The following MEI1 variants were observed in gnomAD, a reference collection of about 807,000 sequenced individuals.
MEI1 encodes the protein meiosis inhibitor protein 1.
In MEI1, 103 loss-of-function variants were observed where a neutral mutation model predicts 146.2. The observed-to-expected ratio is 0.70, with a 90% CI of 0.60 to 0.83. The LOEUF is 0.83. Ranked by LOEUF, MEI1 falls within the 40% of genes least tolerant of loss-of-function variation. The probability of loss-of-function intolerance (pLI) is 0.00; values close to 1 mark genes in which losing one functional copy is unlikely to be tolerated. For missense variants in MEI1, 1,529 were observed against 1,533.0 expected, an observed-to-expected ratio of 1.00 and a Z score of 0.04; for synonymous variants, 652 against 628.2, an observed-to-expected ratio of 1.04 and a Z score of -0.57.
At chr22:41,730,102 A>T (rs920121083) in intron 8 of MEI1, among the ~76,000 whole-genome samples, 2 of 152,184 alleles carry the variant, frequency 1.3e-5, no homozygotes, top group Non-Finnish European at 2.9e-5. Context: ...CTTCATCTTC[A>T]CTATTTTATA....
intron 24 of MEI1, 81 bp from the exon 25 acceptor site, chr22:41,784,258 T>TGCAGAGGATATGTGGGAGG: frequency 8.0e-7 from 1 of 1,249,036 alleles, no homozygotes; most frequent in Non-Finnish European, 1.2e-6. Context: ...GGGGAGGTGA[T>TGCAGAGGATATGTGGGAGG]AGAAGAGATT....
At chr22:41,720,743 C>A (rs1205302064) in intron 6 of MEI1, among the ~76,000 whole-genome samples, 1 of 151,660 alleles carries the variant, frequency 6.6e-6, no homozygotes, top group African/African-American at 2.4e-5. Context: ...ATTACAGGCG[C>A]CTGCCACCAT....
intron 26 of MEI1, among the ~76,000 whole-genome samples, chr22:41,785,509 G>A (rs6002484): frequency 3.3e-5 from 5 of 151,690 alleles, no homozygotes; most frequent in Admixed American, 6.6e-5. Context: ...TGATCCTCCC[G>A]CCTCGGCCTC....
intron 4 of MEI1, among the ~76,000 whole-genome samples, chr22:41,715,269 G>T (rs1036082315): frequency 1.3e-5 from 2 of 152,158 alleles, no homozygotes; most frequent in Admixed American, 6.5e-5. Context: ...GCCAAAAGTG[G>T]TATGACTAGC....
chr22:41,745,084 A>G lies in MEI1; in HGVS notation c.1538+20A>G. 3 of 1,484,944 alleles carry G rather than the reference A, an allele frequency of 2.0e-6. No individual in the cohort carries two copies. The highest frequency in any genetic ancestry group is 2.6e-5 in the South Asian group (2 of 76,348). 92.0% of individuals were successfully genotyped at this position (1,484,944 alleles called of 1,614,324 possible). A position where few individuals can be genotyped will look rare whatever the true frequency, so the allele number is the denominator to read the frequency against. ...CTGCAGGTGAGGGGCCCTCTGAGGT[A>G]TGAAGTAATAGCATGGAAGGTAGGG... On this transcript the variant is annotated intron_variant, in intron 13 of 30. Transcript: ENST00000401548.
At chr22:41,753,114 G>T (rs1423566373) in intron 16 of MEI1, among the ~76,000 whole-genome samples, 1 of 152,038 alleles carries the variant, frequency 6.6e-6, no homozygotes, top group Non-Finnish European at 1.5e-5. Context: ...CGCCTCCTGG[G>T]TTCAAGCAAT....
chr22:41,784,837 G>T, intron 26 of MEI1, 54 bp downstream of exon 26: 2 of 1,454,720 alleles, frequency 1.4e-6, no homozygotes, highest in African/African-American at 1.4e-5. Context: ...GCAGGAAGGG[G>T]TGGCTGCCTG....
chr22:41,754,838 A>G (rs1198817426), intron 17 of MEI1, among the ~76,000 whole-genome samples: 1 of 152,228 alleles, frequency 6.6e-6, no homozygotes, highest in African/African-American at 2.4e-5. Context: ...GGCAGGCAAT[A>G]AGCAAATGCA....
intron 14 of MEI1, among the ~76,000 whole-genome samples, chr22:41,747,736 C>CCAAAA (rs1569240908): frequency 7.5e-5 from 10 of 133,212 alleles, no homozygotes; most frequent in Non-Finnish European, 1.1e-4. Flanking sequence ...CCCACCCCCC[C>CCAAAA]AAAAAAAACA....
intron 1 of MEI1, among the ~76,000 whole-genome samples, chr22:41,701,808 G>A (rs751672255): frequency 9.2e-5 from 14 of 152,182 alleles, no homozygotes; most frequent in Non-Finnish European, 2.1e-4. Context: ...TTAAGAAGAT[G>A]GGTGAGATTT....
chr22:41,723,224 T>G (rs1728166657), intron 6 of MEI1, among the ~76,000 whole-genome samples: 1 of 152,200 alleles, frequency 6.6e-6, no homozygotes, highest in Non-Finnish European at 1.5e-5. Flanking sequence ...CTTGGTTTTT[T>G]TTTTTTGAGA....
chr22:41,750,298 G>A (rs1478274826), intron 15 of MEI1, among the ~76,000 whole-genome samples: 1 of 152,218 alleles, frequency 6.6e-6, no homozygotes, highest in African/African-American at 2.4e-5. Flanking sequence ...AGAAGGGTAC[G>A]ATATTAAGGA....
chr22:41,740,948 G>A (rs1027820049), intron 11 of MEI1, among the ~76,000 whole-genome samples: 2 of 152,060 alleles, frequency 1.3e-5, no homozygotes, highest in Non-Finnish European at 2.9e-5. Context: ...GTCTTGCTCT[G>A]TCACCAGGCT....
chr22:41,772,943 C>G (rs548432401), intron 20 of MEI1, among the ~76,000 whole-genome samples: 1 of 152,176 alleles, frequency 6.6e-6, no homozygotes, highest in Non-Finnish European at 1.5e-5. Context: ...TCCCAAATTC[C>G]CTTTCTCAGC....
At chr22:41,765,964 C>T (rs916921320) in intron 19 of MEI1, among the ~76,000 whole-genome samples, 8 of 145,242 alleles carry the variant, frequency 5.5e-5, no homozygotes, top group African/African-American at 2.1e-4. Context: ...GATCTCGGCT[C>T]ACTGCAACCT....
At chr22:41,748,698 C>T (rs1235430966) in intron 15 of MEI1, among the ~76,000 whole-genome samples, 1 of 152,118 alleles carries the variant, frequency 6.6e-6, no homozygotes. Flanking sequence ...GTACTCATTC[C>T]ACTGATGAGC....
chr22:41,708,828 A>G (rs1345629636), intron 3 of MEI1, among the ~76,000 whole-genome samples: 3 of 152,250 alleles, frequency 2.0e-5, no homozygotes, highest in African/African-American at 7.2e-5. Flanking sequence ...ATTAGGGGTC[A>G]GGTCCCAACA....
chr22:41,795,916 G>A lies in MEI1; in HGVS notation c.3779+69G>A. On this transcript the variant is annotated intron_variant, in intron 30 of 30. Transcript: ENST00000401548. This position sits in a 1 kb window ranked among gnomAD's most constrained non-coding sequence, Gnocchi z 4.2. ...GGGTGTTTGGGGCTTCTCTTCCTGG[G>A]CCAGTTTATGCGGTACCGGAGTAGC... The A allele has an allele frequency of 3.7e-6, 6 of 1,612,150 alleles. No individual in the cohort carries two copies. The highest frequency in any genetic ancestry group is 5.1e-6 in the Non-Finnish European group (6 of 1,179,264).
intron 22 of MEI1, among the ~76,000 whole-genome samples, chr22:41,780,105 A>T (rs1361693445): frequency 6.6e-6 from 1 of 152,214 alleles, no homozygotes; most frequent in Non-Finnish European, 1.5e-5. Context: ...CCTGTCTGTG[A>T]GATCAAGGCT....
Sources: gnomAD v4.1 joint callset for allele counts (sites outside exome capture counted in the v4.1 genomes callset) on GRCh38, gnomAD v4.1.1 for gene constraint, Gnocchi (gnomAD v3.1) non-coding constraint, MANE v1.5 for transcripts, NCBI Gene and HGNC (gene_info 2026-07-23, HGNC 2026-07-21) for gene names.